Variants in CFAP69 observed in about 807,000 individuals in gnomAD.
The protein encoded by CFAP69 is cilia and flagella associated protein 69, also known as cilia- and flagella-associated protein 69.
Under a neutral mutation model 123.0 loss-of-function variants are expected in CFAP69, and 92 were observed. That is an observed-to-expected ratio of 0.75 (90% CI 0.63 to 0.89). CFAP69 has a LOEUF of 0.89. CFAP69 is among the 40% of genes least tolerant of loss of function. The pLI, the probability that CFAP69 is intolerant of heterozygous loss-of-function variation, is 0.00. For synonymous variants in CFAP69, 380 were observed against 364.3 expected (o/e 1.04, Z -0.49); for missense variants, 1,067 against 1,096.9 (o/e 0.97, Z 0.39).
chr7:90,313,266 G>T (rs1562937134), downstream of CFAP69, among the ~76,000 whole-genome samples: 1 of 152,272 alleles, frequency 6.6e-6, no homozygotes, highest in Non-Finnish European at 1.5e-5. Flanking sequence ...AGGTGAGCAG[G>T]ATCAATGTAG....
chr7:90,266,566 G>C (rs188314467), intron 5 of CFAP69, among the ~76,000 whole-genome samples: 5 of 152,074 alleles, frequency 3.3e-5, no homozygotes, highest in Non-Finnish European at 5.9e-5. Flanking sequence ...ACAGTCACTT[G>C]TATTATAAAT....
chr7:90,281,608 A>G (rs978568777), intron 12 of CFAP69, among the ~76,000 whole-genome samples: 1 of 152,204 alleles, frequency 6.6e-6, no homozygotes, highest in African/African-American at 2.4e-5. Flanking sequence ...TCAATTGCAA[A>G]AGTAATAAAT....
the CFAP69 span, chr7:90,316,493 A>G: frequency 6.6e-6 from 1 of 152,196 alleles, no homozygotes; most frequent in Non-Finnish European, 1.5e-5. Flanking sequence ...TAGATCTTTC[A>G]GTCTATCCCT....
At position 90,311,019 on chromosome 7, in the gene CFAP69, A is replaced by G. The variant is rs1035157890; in HGVS notation, c.*781A>G. Reference sequence around the variant, plus strand: ...AATGGTAAAAAAGAAAAAAAAATGCAGCTGGTTTTACTCTTAATATATAAA... The same window carrying G: ...AATGGTAAAAAAGAAAAAAAAATGCGGCTGGTTTTACTCTTAATATATAAA... On this transcript the variant is annotated 3_prime_UTR_variant, in exon 23 of 23. Coordinates refer to ENST00000389297, the MANE Select transcript of CFAP69 (RefSeq NM_001039706.3). 6.6e-6 allele frequency: 1 copy of G among 152,168 alleles called. No individual in the cohort carries two copies. The highest frequency in any genetic ancestry group is 1.5e-5 in the Non-Finnish European group (1 of 68,028). 9.4% of individuals were successfully genotyped at this position (152,168 alleles called of 1,614,324 possible).
chr7:90,294,369 A>G (rs558054033), intron 15 of CFAP69, among the ~76,000 whole-genome samples: 136 of 152,348 alleles, frequency 8.9e-4, no homozygotes, highest in African/African-American at 3.1e-3. Context: ...TGAACTGAAC[A>G]TCATTCTACT....
chr7:90,268,377 T>A lies in CFAP69; in HGVS notation c.525T>A (p.His175Gln). 1 of 1,606,534 alleles carries A rather than the reference T, an allele frequency of 6.2e-7. No individual in the cohort carries two copies. Among genetic ancestry groups the A allele is most frequent in the African/African-American group, 1.3e-5 (1 of 74,864 alleles). The change falls in exon 6 of 23, where the codon CAT becomes CAA. Residue 175 changes from histidine to glutamine, a missense_variant. Coordinates refer to ENST00000389297, the MANE Select transcript of CFAP69 (RefSeq NM_001039706.3). ...DFYHAEPPKK[H>Q]IPGYQQASSS... ...ATCATGCAGAACCACCAAAGAAGCA[T>A]ATTCCAGGTGAAGTTTACAATGGTC...
chr7:90,252,149 T>TGTGTGCGC (rs1284894822), intron 1 of CFAP69: 1 of 144,256 alleles, frequency 6.9e-6, no homozygotes, highest in African/African-American at 2.6e-5. Context: ...TGTGTGTGCA[T>TGTGTGCGC]GCGCGTATAA....
the CFAP69 span, chr7:90,322,280 C>T: frequency 2.0e-5 from 3 of 152,210 alleles, no homozygotes; most frequent in East Asian, 1.9e-4. Flanking sequence ...CTTGTTTACT[C>T]GGATTAGGTA....
intron 5 of CFAP69, among the ~76,000 whole-genome samples, chr7:90,267,546 G>A (rs1269045860): frequency 1.3e-5 from 2 of 152,158 alleles, no homozygotes; most frequent in African/African-American, 2.4e-5. Flanking sequence ...ACAGGCTGAA[G>A]CCAATTTAAT....
intron 5 of CFAP69, among the ~76,000 whole-genome samples, chr7:90,267,833 C>A (rs1313880522): frequency 1.3e-5 from 2 of 152,184 alleles, no homozygotes; most frequent in Non-Finnish European, 2.9e-5. Context: ...GTAGAACTTA[C>A]AACATGCTAG....
chr7:90,291,803 G>A (rs978409787), intron 15 of CFAP69, among the ~76,000 whole-genome samples: 2 of 152,086 alleles, frequency 1.3e-5, no homozygotes, highest in African/African-American at 4.8e-5. Context: ...CTGACAGAAG[G>A]TGATATCTGA....
intron 12 of CFAP69, among the ~76,000 whole-genome samples, chr7:90,282,380 T>C (rs1032807659): frequency 2.0e-5 from 3 of 152,084 alleles, no homozygotes; most frequent in Non-Finnish European, 4.4e-5. Context: ...ATCTTATACA[T>C]TGTATCTGTA....
intron 15 of CFAP69, among the ~76,000 whole-genome samples, chr7:90,290,283 G>A (rs1363627805): frequency 6.6e-6 from 1 of 152,174 alleles, no homozygotes; most frequent in African/African-American, 2.4e-5. Context: ...TCCAGTCTGA[G>A]ACTGAAGGCC....
chr7:90,304,667 A>C, intron 18 of CFAP69, 77 bp from the exon 19 acceptor site: 1 of 1,450,384 alleles, frequency 6.9e-7, no homozygotes, highest in Non-Finnish European at 9.2e-7. Context: ...AGATAGATAG[A>C]TAGATAGATA....
intron 1 of CFAP69, among the ~76,000 whole-genome samples, chr7:90,249,605 A>G (rs541757547): frequency 3.9e-5 from 6 of 152,190 alleles, no homozygotes; most frequent in Non-Finnish European, 8.8e-5. Context: ...CACCTTAATC[A>G]TATGTTGAAA....
Position 90,297,811 on chromosome 7 carries a change from T to A in CFAP69, c.1838T>A (p.Leu613His), listed in dbSNP as rs1562913884. 6.3e-7 allele frequency: 1 copy of A among 1,576,918 alleles called. No individual in the cohort carries two copies. The highest frequency in any genetic ancestry group is 8.6e-7 in the Non-Finnish European group (1 of 1,168,706). Residue 613 changes from leucine (L) to histidine (H), a missense_variant, in exon 16 of 23, where the codon CTC (leucine) becomes CAC (histidine). Physicochemically the swap from Leu to His is moderately conservative, Grantham distance 99. Coordinates refer to ENST00000389297, the MANE Select transcript of CFAP69 (RefSeq NM_001039706.3). ...TTTCTTGAAAAGGAAGGCATTTTTC[T>A]CCTTTTGGATTTGTTAGCAGTAAGT... ...DYFLEKEGIF[L>H]LLDLLALNQK...
intron 19 of CFAP69, among the ~76,000 whole-genome samples, chr7:90,305,183 A>T: frequency 6.6e-6 from 1 of 151,882 alleles, no homozygotes; most frequent in East Asian, 2.0e-4. Flanking sequence ...TCTACTAAAA[A>T]TACAAAAATT....
intron 4 of CFAP69, among the ~76,000 whole-genome samples, 167 bp from the exon 5 acceptor site, chr7:90,265,134 A>G: frequency 6.6e-6 from 1 of 152,154 alleles, no homozygotes; most frequent in Non-Finnish European, 1.5e-5. Context: ...AAACTGTAAT[A>G]CTGTGTATTA....
chr7:90,282,654 G>T (rs1789661709), intron 12 of CFAP69, among the ~76,000 whole-genome samples: 1 of 151,890 alleles, frequency 6.6e-6, no homozygotes, highest in South Asian at 2.1e-4. Context: ...AATAACAGAA[G>T]CAAATTACAA....
Sources: gnomAD v4.1 joint callset for allele counts (sites outside exome capture counted in the v4.1 genomes callset) on GRCh38, gnomAD v4.1.1 for gene constraint, MANE v1.5 for transcripts, NCBI Gene and HGNC (gene_info 2026-07-23, HGNC 2026-07-21) for gene names.